Variants in UTRN observed in about 807,000 individuals in gnomAD.
UTRN encodes the protein dystrophin-related protein 1.
UTRN carries 283 observed loss-of-function variants against 463.9 expected under a neutral mutation model. That is an observed-to-expected ratio of 0.61 (90% confidence interval 0.55 to 0.67). The LOEUF (loss-of-function observed/expected upper bound fraction) is 0.67. UTRN is among the 30% of genes least tolerant of loss of function. The pLI is 0.00. For missense variants in UTRN, 3,922 were observed against 4,084.3 expected (o/e 0.96, Z 1.08); for synonymous variants, 1,442 against 1,431.5 (o/e 1.01, Z -0.17).
chr6:144,428,194 C>A (rs994166398), intron 7 of UTRN, among the ~76,000 whole-genome samples: 1 of 152,080 alleles, frequency 6.6e-6, no homozygotes, highest in Admixed American at 6.5e-5. Flanking sequence ...GAAATACAGT[C>A]CTAGACAATA....
rs1322448 is a variant in UTRN, at chr6:144,297,295, A to G, written c.79+5388A>G. On this transcript the variant is annotated intron_variant, in intron 2 of 74. Transcript: ENST00000367545. ...AAAATAAAACAAATTATTAAATATG[A>G]AATATTATACCAGGTTACATTTATA... is the stretch of plus-strand genomic sequence containing the variant. Among the ~76,000 whole-genome samples, 623 of 152,302 alleles carry G rather than the reference A, an allele frequency of 4.1e-3. 4 individuals are homozygous for G. Among genetic ancestry groups the G allele is most frequent in the African/African-American group, 0.014 (593 of 41,540 alleles).
chr6:144,757,713 G>T (rs1792167571), intron 57 of UTRN, among the ~76,000 whole-genome samples: 1 of 152,022 alleles, frequency 6.6e-6, no homozygotes, highest in African/African-American at 2.4e-5. Flanking sequence ...AGATTAGTTG[G>T]CATTAGACCT....
At chr6:144,308,715 C>A (rs1008909010) in intron 2 of UTRN, among the ~76,000 whole-genome samples, 1 of 152,132 alleles carries the variant, frequency 6.6e-6, no homozygotes, top group Non-Finnish European at 1.5e-5. Context: ...TACATTGTAC[C>A]CATCCTCCTT....
intron 2 of UTRN, among the ~76,000 whole-genome samples, chr6:144,296,641 G>A (rs1341241673): frequency 1.3e-5 from 2 of 152,226 alleles, no homozygotes; most frequent in Non-Finnish European, 2.9e-5. Flanking sequence ...GACCTCTATG[G>A]AGTGCCCAGT....
intron 30 of UTRN, among the ~76,000 whole-genome samples, chr6:144,489,382 C>G (rs1291806945): frequency 6.6e-6 from 1 of 152,162 alleles, no homozygotes; most frequent in Middle Eastern, 3.2e-3. Context: ...CTCCTGACTT[C>G]AGGTGATCCA....
intron 59 of UTRN, among the ~76,000 whole-genome samples, chr6:144,772,447 C>G (rs943352375): frequency 3.3e-5 from 5 of 152,154 alleles, no homozygotes; most frequent in Non-Finnish European, 7.4e-5. Context: ...ATGCAGTAAA[C>G]AGGTATTGCC....
Position 144,437,704 on chromosome 6 carries a change from G to C in UTRN, c.1199G>C (p.Arg400Thr), listed in dbSNP as rs373688534. ...GAACAGATGACCCTGCTGAATGCTA[G>C]ATGGGAGGCTCTTAGGGTGGAGAGT... ...IQEQMTLLNA[R>T]WEALRVESMD... is the part of the protein sequence containing the mutation. The change falls in exon 11 of 75, where the codon AGA becomes ACA. Residue 400 changes from arginine to threonine, a missense_variant. Arg to Thr is a moderately conservative substitution (Grantham distance 71, BLOSUM62 -1). This residue lies in a region of UTRN where 2,349 missense variants were observed against 2,303.8 expected (regional missense o/e 1.02). Coordinates refer to ENST00000367545, the MANE Select transcript of UTRN (RefSeq NM_007124.3). 1.4e-5 allele frequency: 22 copies of C among 1,614,042 alleles called. No homozygotes were observed. The highest frequency in any genetic ancestry group is 2.7e-5 in the African/African-American group (2 of 74,934).
intron 2 of UTRN, among the ~76,000 whole-genome samples, chr6:144,387,623 T>C (rs1231572440): frequency 6.6e-6 from 1 of 152,200 alleles, no homozygotes; most frequent in Non-Finnish European, 1.5e-5. Context: ...GAAGAGAGAA[T>C]TAGCACTCTT....
chr6:144,387,122 AT>A (rs1584550783), intron 2 of UTRN, among the ~76,000 whole-genome samples: 1 of 151,826 alleles, frequency 6.6e-6, no homozygotes, highest in Non-Finnish European at 1.5e-5. Context: ...TTAATCTTCT[AT>A]TTTTTTCTTC....
chr6:144,401,804 C>T (rs2114794000), intron 2 of UTRN, among the ~76,000 whole-genome samples: 1 of 152,244 alleles, frequency 6.6e-6, no homozygotes, highest in Admixed American at 6.5e-5. Flanking sequence ...TCTAATGATC[C>T]TAGCAGAGGT....
chr6:144,449,330 TA>T (rs1452852432), intron 17 of UTRN, among the ~76,000 whole-genome samples: 6 of 152,146 alleles, frequency 3.9e-5, no homozygotes, highest in Admixed American at 3.9e-4. Flanking sequence ...AATATATGCT[TA>T]AAAAATGGCA....
In UTRN at chr6:144,467,406, T is replaced by A. The variant is rs28427477; in HGVS notation, c.3066+4540T>A. 6.1e-3 allele frequency among the ~76,000 whole-genome samples: 931 copies of A among 152,308 alleles called. 1 individual carries two copies. The highest frequency in any genetic ancestry group is 0.024 in the Middle Eastern group (7 of 294). On this transcript the variant is annotated intron_variant, in intron 23 of 74. Transcript: ENST00000367545. ...GTCTCTCTTCCCACGAGGCATGAGC[T>A]CTTTGAGGGTTGGATCCCTGTCAGG...
intron 2 of UTRN, among the ~76,000 whole-genome samples, chr6:144,312,340 T>C (rs1016010999): frequency 1.3e-5 from 2 of 150,206 alleles, no homozygotes; most frequent in East Asian, 2.0e-4. Context: ...AGGAGAATGG[T>C]GTGAACCCAG....
In UTRN at chr6:144,448,627, A is replaced by C; in HGVS notation, c.1930A>C (p.Met644Leu). The change falls in exon 17 of 75, where the codon ATG (methionine) becomes CTG (leucine). Residue 644 changes from methionine (M) to leucine (L), a missense_variant. Physicochemically the swap from Met to Leu is conservative, Grantham distance 15. Transcript: ENST00000367545. ...GACTCAGGCTGTAGCAAAGCTGGGG[A>C]TGTCTCAGATTCCTCAGAAGGACCT... The part of the protein sequence containing the change: ...QVTQAVAKLG[M>L]SQIPQKDLLE... The C allele has an allele frequency of 6.2e-7, 1 of 1,613,974 alleles. No individual in the cohort carries two copies. Among genetic ancestry groups the C allele is most frequent in the South Asian group, 1.1e-5 (1 of 91,062 alleles).
chr6:144,510,850 A>G (rs1795105073), intron 34 of UTRN, 94 bp from the exon 35 acceptor site: 6 of 1,131,188 alleles, frequency 5.3e-6, no homozygotes, highest in Admixed American at 3.1e-5. Flanking sequence ...ACTACTTTGT[A>G]TATGTGGCAG....
chr6:144,799,026 C>T (rs950654505), intron 64 of UTRN, among the ~76,000 whole-genome samples: 31 of 152,218 alleles, frequency 2.0e-4, no homozygotes, highest in Admixed American at 6.5e-4. Flanking sequence ...AGGCGTGAGC[C>T]GCCATACCTG....
At chr6:144,478,428 C>A (rs1011989830) in intron 25 of UTRN, among the ~76,000 whole-genome samples, 2 of 152,140 alleles carry the variant, frequency 1.3e-5, no homozygotes. Context: ...CTCTCTCTTT[C>A]TCTTTCTGTG....
chr6:144,438,882 T>C lies in UTRN; in HGVS notation c.1379T>C (p.Leu460Pro), dbSNP rs746048439. The change falls in exon 12 of 75, where the codon CTA becomes CCA. Residue 460 changes from leucine to proline, a missense_variant. Physicochemically the swap from Leu to Pro is moderately conservative, Grantham distance 98 (BLOSUM62 -3). Transcript: ENST00000367545. The part of the protein sequence containing the change: ...DDDVKSLQKL[L>P]EEHKSLQSDL... ...GATGTAAAATCTCTACAAAAGCTGC[T>C]AGAAGAACATAAAGTAAATCTGTCT... The C allele has an allele frequency of 6.2e-7, 1 of 1,614,150 alleles. No homozygotes were observed. Among genetic ancestry groups the C allele is most frequent in the East Asian group, 2.2e-5 (1 of 44,882 alleles).
At chr6:144,543,490 C>T (rs567022792) in intron 46 of UTRN, among the ~76,000 whole-genome samples, 7 of 152,330 alleles carry the variant, frequency 4.6e-5, no homozygotes, top group African/African-American at 1.4e-4. Context: ...TCATGCCCTG[C>T]TCTTCCTCTG....
Sources: allele counts gnomAD v4.1 joint callset (sites outside exome capture counted in the v4.1 genomes callset), GRCh38; gene constraint gnomAD v4.1.1; regional missense constraint gnomAD v4.1.1; transcripts MANE v1.5; gene names NCBI Gene and HGNC (gene_info 2026-07-23, HGNC 2026-07-21).